Variants in SPMIP8 observed in about 807,000 individuals in gnomAD.
SPMIP8 encodes testicular tissue protein Li 196.
chr16:57,985,183 C>G, the SPMIP8 span: 28 of 1,497,900 alleles, frequency 1.9e-5, no homozygotes, highest in South Asian at 2.0e-4. Context: ...GATGAGCGCT[C>G]GAGAGGGGCT....
chr16:57,976,978 C>A, the SPMIP8 span, among the ~76,000 whole-genome samples: 19 of 152,202 alleles, frequency 1.2e-4, no homozygotes, highest in Non-Finnish European at 2.4e-4. Context: ...TGCTCCCCTT[C>A]CTGAAAATCT....
At chr16:57,982,418 T>C in the SPMIP8 span, among the ~76,000 whole-genome samples, 71,260 of 152,130 alleles carry the variant, frequency 0.47, 19,144 homozygotes, top group Non-Finnish European at 0.62. Context: ...ACTGACTTTT[T>C]AAAGTCTCTA....
the SPMIP8 span, among the ~76,000 whole-genome samples, chr16:57,984,133 A>C: frequency 6.6e-6 from 1 of 151,822 alleles, no homozygotes; most frequent in Non-Finnish European, 1.5e-5. Context: ...GGAACTCCTG[A>C]CCTTAAGTGA....
the SPMIP8 span, chr16:57,985,779 T>A: frequency 7.7e-7 from 1 of 1,294,532 alleles, no homozygotes; most frequent in Admixed American, 3.0e-5. Flanking sequence ...GGCGTTCGCA[T>A]TGGGTGAAGG....
At chr16:57,977,752 C>A in the SPMIP8 span, 2 of 1,539,448 alleles carry the variant, frequency 1.3e-6, no homozygotes, top group Admixed American at 3.5e-5. Flanking sequence ...TGTTTTCATG[C>A]AGAGAAGGGT....
the SPMIP8 span, chr16:57,977,778 G>T: frequency 1.3e-6 from 2 of 1,591,696 alleles, no homozygotes; most frequent in Non-Finnish European, 1.7e-6. Context: ...GCCAGCATGA[G>T]CCCAGGGTGA....
At chr16:57,985,911 A>G in the SPMIP8 span, 1 of 1,612,362 alleles carries the variant, frequency 6.2e-7, no homozygotes, top group South Asian at 1.1e-5. Context: ...TTTCCCAGGA[A>G]CACTTTCCGA....
chr16:57,976,575 A>C, the SPMIP8 span: 14 of 1,614,212 alleles, frequency 8.7e-6, no homozygotes, highest in Non-Finnish European at 1.1e-5. Context: ...CAAAGAACTG[A>C]AAGTCCTTAT....
chr16:57,984,463 T>C, the SPMIP8 span: 4 of 1,540,458 alleles, frequency 2.6e-6, no homozygotes, highest in African/African-American at 1.4e-5. Context: ...CTCAGGTGCC[T>C]GCTTGGGACT....
At chr16:57,985,526 G>T in the SPMIP8 span, 1 of 1,607,110 alleles carries the variant, frequency 6.2e-7, no homozygotes, top group Non-Finnish European at 8.5e-7. Context: ...ACGGACAGAA[G>T]CCCCTGCCTT....
At chr16:57,987,477 T>C in the SPMIP8 span, 3 of 1,559,238 alleles carry the variant, frequency 1.9e-6, no homozygotes, top group Admixed American at 5.8e-5. Flanking sequence ...CCACCTCAGG[T>C]CCCCTGGCCA....
chr16:57,987,470 C>T, the SPMIP8 span: 5 of 1,565,462 alleles, frequency 3.2e-6, no homozygotes, highest in Admixed American at 5.7e-5. Context: ...GACGGTGCCA[C>T]CTCAGGTCCC....
At chr16:57,976,629 C>T in the SPMIP8 span, 17 of 1,613,780 alleles carry the variant, frequency 1.1e-5, no homozygotes, top group African/African-American at 1.7e-4. Flanking sequence ...AAGGTAGCTG[C>T]TATTGGTGAG....
the SPMIP8 span, chr16:57,987,556 C>G: frequency 9.5e-7 from 1 of 1,054,724 alleles, no homozygotes; most frequent in South Asian, 2.0e-5. Context: ...AAACCTAATG[C>G]TCCCTTAGAG....
the SPMIP8 span, chr16:57,985,422 T>C: frequency 6.2e-7 from 1 of 1,612,966 alleles, no homozygotes; most frequent in Non-Finnish European, 8.5e-7. Flanking sequence ...GTGTGGGGCG[T>C]GGGCAGGGCG....
the SPMIP8 span, among the ~76,000 whole-genome samples, chr16:57,979,259 TG>T: frequency 6.6e-6 from 1 of 151,572 alleles, no homozygotes; most frequent in Admixed American, 6.6e-5. Flanking sequence ...GGGTGACAGG[TG>T]GGCTGAGGGT....
chr16:57,978,020 C>T, the SPMIP8 span: 116 of 1,613,954 alleles, frequency 7.2e-5, no homozygotes, highest in African/African-American at 1.4e-3. Flanking sequence ...ACTGCCAGTC[C>T]ACCACCTACT....
the SPMIP8 span, among the ~76,000 whole-genome samples, chr16:57,981,392 A>AATTATTATTATTATTATTATTATT: frequency 7.2e-5 from 6 of 83,584 alleles, no homozygotes; most frequent in East Asian, 6.2e-4. Flanking sequence ...TAATAATAAT[A>AATTATTATTATTATTATTATTATT]ATTATTATTA....
At chr16:57,987,573 G>A in the SPMIP8 span, 2,534 of 862,956 alleles carry the variant, frequency 2.9e-3, 9 homozygotes, top group Middle Eastern at 5.4e-3. Context: ...AGAGACACAC[G>A]CAATTGTCTC....
Sources: gnomAD v4.1 joint callset for allele counts (sites outside exome capture counted in the v4.1 genomes callset) on GRCh38, gnomAD v4.1.1 for gene constraint, MANE v1.5 for transcripts, NCBI Gene and HGNC (gene_info 2026-07-23, HGNC 2026-07-21) for gene names.